EIF3H: variants seen among roughly 807,000 people sequenced by gnomAD.
EIF3H encodes the protein eukaryotic translation initiation factor 3 subunit H.
Under a neutral mutation model 44.2 loss-of-function variants are expected in EIF3H, and 26 were observed. The ratio of observed to expected loss-of-function variants is 0.59; its 90% CI spans 0.43 to 0.82. The LOEUF is 0.82. EIF3H is among the 40% of genes least tolerant of loss of function. The pLI is 0.00. For missense variants in EIF3H, 359 were observed against 432.8 expected, an observed-to-expected ratio of 0.83 and a Z score of 1.51; for synonymous variants, 166 against 151.9, an observed-to-expected ratio of 1.09 and a Z score of -0.68.
intron 5 of EIF3H, among the ~76,000 whole-genome samples, chr8:116,653,339 A>G (rs916240959): frequency 2.7e-5 from 4 of 148,330 alleles, no homozygotes; most frequent in Non-Finnish European, 6.0e-5. Flanking sequence ...CAGAAAAAAA[A>G]CAATCAGAAA....
At chr8:116,701,866 G>A (rs1814381417) in intron 2 of EIF3H, among the ~76,000 whole-genome samples, 1 of 152,132 alleles carries the variant, frequency 6.6e-6, no homozygotes, top group Non-Finnish European at 1.5e-5. Context: ...AAGAACATGA[G>A]TAAGAAAACT....
intron 2 of EIF3H, among the ~76,000 whole-genome samples, chr8:116,681,666 CA>C (rs1176033381): frequency 0.025 from 2,283 of 90,742 alleles, 36 homozygotes; most frequent in East Asian, 0.083. Context: ...AACTCCATCT[CA>C]AAAAAAAAAA....
chr8:116,710,244 T>A (rs1325779868), intron 2 of EIF3H, among the ~76,000 whole-genome samples: 2 of 152,242 alleles, frequency 1.3e-5, no homozygotes, highest in African/African-American at 4.8e-5. Context: ...CTAGAAAGTC[T>A]TCCTGTGTCA....
At chr8:116,748,096 G>A (rs1386543096) in intron 1 of EIF3H, among the ~76,000 whole-genome samples, 1 of 151,788 alleles carries the variant, frequency 6.6e-6, no homozygotes, top group Non-Finnish European at 1.5e-5. Context: ...AGGTTGCAGT[G>A]GGCCAAGATC....
chr8:116,651,818 T>C (rs947355319), intron 5 of EIF3H, among the ~76,000 whole-genome samples: 2 of 152,192 alleles, frequency 1.3e-5, no homozygotes, highest in Non-Finnish European at 2.9e-5. Flanking sequence ...ACGGTCAAAG[T>C]GCAATGACTT....
At chr8:116,742,352 T>A (rs1815147896) in intron 1 of EIF3H, among the ~76,000 whole-genome samples, 1 of 152,194 alleles carries the variant, frequency 6.6e-6, no homozygotes, top group Non-Finnish European at 1.5e-5. Flanking sequence ...CACATGTAAG[T>A]ATAATGATGC....
intron 2 of EIF3H, among the ~76,000 whole-genome samples, chr8:116,669,440 G>A (rs543976436): frequency 9.8e-5 from 15 of 152,312 alleles, no homozygotes; most frequent in African/African-American, 3.4e-4. Flanking sequence ...GAAGAGCAGT[G>A]GGGATGGGAA....
rs1377154682 is a variant in EIF3H at position 116,693,361 on chromosome 8, A to AT, written c.289+32654dup. On this transcript the variant is annotated intron_variant, in intron 2 of 7. Coordinates refer to ENST00000521861, the MANE Select transcript of EIF3H (RefSeq NM_003756.3). ...GTGAGGAGTGCTACTCTTCAGGGCC[A>AT]TTTTTTTTTCCAGAAATAAAGTTTC... 3.3e-5 allele frequency among the ~76,000 whole-genome samples: 5 copies of AT among 151,874 alleles called. 1 individual carries two copies. Among genetic ancestry groups the AT allele is most frequent in the Admixed American group, 1.3e-4 (2 of 15,254 alleles).
rs369469676 is a variant in EIF3H at position 116,676,291 on chromosome 8, A to G, written c.290-17311T>C. On this transcript the variant is annotated intron_variant, in intron 2 of 7. Transcript: ENST00000521861. ...TAGTAGTCTGTTTTTATACTGCTATAAAGAACTGCCTGAGACTAGGCTGTG... is the reference window on the plus strand; with the variant it reads ...TAGTAGTCTGTTTTTATACTGCTATGAAGAACTGCCTGAGACTAGGCTGTG... 8.5e-5 allele frequency among the ~76,000 whole-genome samples: 13 copies of G among 152,376 alleles called. No homozygotes were observed. The South Asian group carries it at 1.4e-3, about 17-fold the overall frequency.
chr8:116,725,737 G>A (rs936653939), intron 2 of EIF3H, among the ~76,000 whole-genome samples: 10 of 152,290 alleles, frequency 6.6e-5, no homozygotes, highest in Non-Finnish European at 1.3e-4. Flanking sequence ...TTAGCAAGCT[G>A]ATTTCATGTT....
At chr8:116,746,698 A>G (rs1815244074) in intron 1 of EIF3H, among the ~76,000 whole-genome samples, 1 of 152,234 alleles carries the variant, frequency 6.6e-6, no homozygotes, top group Non-Finnish European at 1.5e-5. Context: ...ATGTACGCTA[A>G]ATGATTTTTC....
intron 2 of EIF3H, among the ~76,000 whole-genome samples, chr8:116,691,869 CAA>C (rs373127282): frequency 4.5e-5 from 6 of 134,392 alleles, no homozygotes; most frequent in Admixed American, 7.5e-5. Context: ...AAGACTGTCT[CAA>C]AAAAAAAAAA....
In EIF3H at chr8:116,747,369, T is replaced by A. The variant is rs149251242; in HGVS notation, c.132+8297A>T. 9.9e-4 allele frequency among the ~76,000 whole-genome samples: 151 copies of A among 152,232 alleles called. 1 individual carries two copies. The highest frequency in any genetic ancestry group is 3.5e-3 in the African/African-American group (144 of 41,544). On this transcript the variant is annotated intron_variant, in intron 1 of 7. Coordinates refer to ENST00000521861, the MANE Select transcript of EIF3H (RefSeq NM_003756.3). ...GCGGGAGCACGGCCCAATAACATGT[T>A]CTTAATGATAATACTATGCCATCAA...
At chr8:116,686,119 A>G (rs898097452) in intron 2 of EIF3H, among the ~76,000 whole-genome samples, 1 of 152,166 alleles carries the variant, frequency 6.6e-6, no homozygotes, top group African/African-American at 2.4e-5. Flanking sequence ...ATTATTAAAC[A>G]TAGGAAGTCA....
Position 116,675,303 on chromosome 8 carries a change from C to T in EIF3H, c.290-16323G>A, listed in dbSNP as rs539955794. ...ACTGCCTGTGTAAATCATCAAACTC[C>T]TAGATTCTTATTCCCAGTATATACA... On this transcript the variant is annotated intron_variant, in intron 2 of 7. Transcript: ENST00000521861. Among the ~76,000 whole-genome samples, 3 of 152,284 alleles carry T rather than the reference C, an allele frequency of 2.0e-5. No individual in the cohort carries two copies. In the East Asian group the frequency reaches 5.8e-4, roughly 29 times the overall value.
rs544223073 is a variant in EIF3H at position 116,692,147 on chromosome 8, A to T, written c.290-33167T>A. 2.6e-5 allele frequency among the ~76,000 whole-genome samples: 4 copies of T among 152,292 alleles called. No homozygotes were observed. In the South Asian group the frequency reaches 8.3e-4, roughly 32 times the overall value. On this transcript the variant is annotated intron_variant, in intron 2 of 7. Coordinates refer to ENST00000521861, the MANE Select transcript of EIF3H (RefSeq NM_003756.3). The stretch of plus-strand genomic sequence containing the variant: ...CTACCTTCTTTTACTTATTGGACTG[A>T]ACTAAATCTAACAGACTACAGGGGT...
chr8:116,685,921 T>G (rs1186091885), intron 2 of EIF3H, among the ~76,000 whole-genome samples: 1 of 152,150 alleles, frequency 6.6e-6, no homozygotes, highest in African/African-American at 2.4e-5. Flanking sequence ...CTGTGAAGGA[T>G]CAGTCTCCTA....
At chr8:116,693,492 T>C (rs1814215228) in intron 2 of EIF3H, among the ~76,000 whole-genome samples, 1 of 152,012 alleles carries the variant, frequency 6.6e-6, no homozygotes, top group South Asian at 2.1e-4. Context: ...GCTAAGCTAA[T>C]TTCACCAAAT....
rs750379790 is a variant in EIF3H at position 116,644,960 on chromosome 8, G to A, written c.*46C>T. ...TTTCTTCCAAGAGTTGCCCTGGTGT[G>A]ACTTCAAGAGTTCATGTTAACTTCT... On this transcript the variant is annotated 3_prime_UTR_variant, in exon 8 of 8. Transcript: ENST00000521861. The A allele has an allele frequency of 2.8e-6, 4 of 1,449,790 alleles. No homozygotes were observed. The Admixed American group carries it at 5.2e-5, about 19-fold the overall frequency. 89.8% of individuals were successfully genotyped at this position (1,449,790 alleles called of 1,614,324 possible).
Sources: gnomAD v4.1 joint callset for allele counts (sites outside exome capture counted in the v4.1 genomes callset) on GRCh38, gnomAD v4.1.1 for gene constraint, MANE v1.5 for transcripts, NCBI Gene and HGNC (gene_info 2026-07-23, HGNC 2026-07-21) for gene names.